CTNNA2: variants seen among roughly 807,000 people sequenced by gnomAD.
CTNNA2 encodes catenin alpha-2.
CTNNA2 carries 42 observed loss-of-function variants against 101.0 expected under a neutral mutation model. The observed-to-expected ratio is 0.42, with a 90% CI of 0.32 to 0.54. The LOEUF is 0.54. CTNNA2 is among the 20% of genes least tolerant of loss of function. The pLI, the probability that CTNNA2 is intolerant of heterozygous loss-of-function variation, is 0.14. For synonymous variants in CTNNA2, 450 were observed against 456.4 expected (o/e 0.99, Z 0.18); for missense variants, 871 against 1,223.1 (o/e 0.71, Z 4.29).
At chr2:80,219,029 T>C (rs2149050518) in intron 7 of CTNNA2, among the ~76,000 whole-genome samples, 1 of 152,306 alleles carries the variant, frequency 6.6e-6, no homozygotes, top group East Asian at 1.9e-4. Flanking sequence ...CTTAGGTTAC[T>C]TGGATATCGT....
intron 7 of CTNNA2, among the ~76,000 whole-genome samples, chr2:80,229,145 G>C (rs6706947): frequency 0.14 from 21,575 of 152,032 alleles, 3,753 homozygotes; most frequent in African/African-American, 0.42. Context: ...CTTTTTTCCT[G>C]TCTGTGAAAT....
In CTNNA2 at chr2:80,491,258, G is replaced by A. The variant is rs149970022; in HGVS notation, c.1291-53724G>A. Among the ~76,000 whole-genome samples, 876 of 152,282 alleles carry A rather than the reference G, an allele frequency of 5.8e-3. 7 individuals are homozygous for A. The highest frequency in any genetic ancestry group is 0.041 in the South Asian group (199 of 4,818). On this transcript the variant is annotated intron_variant, in intron 9 of 18. Transcript: ENST00000402739. ...TTAAATGGTAAAGGAGGAATTACAC[G>A]TGAGCATCCCAGTTGTCTTGTATAG...
intron 9 of CTNNA2, among the ~76,000 whole-genome samples, chr2:80,492,710 G>A (rs971761806): frequency 1.2e-4 from 19 of 152,088 alleles, no homozygotes; most frequent in South Asian, 6.2e-4. Flanking sequence ...TCCTTATGGC[G>A]CCATACTCTT....
At chr2:80,304,205 A>G (rs923831757) in intron 7 of CTNNA2, 50 of 170,134 alleles carry the variant, frequency 2.9e-4, no homozygotes, top group Admixed American at 2.5e-4. Flanking sequence ...TGTGCAGGCT[A>G]ATTATATGCA....
chr2:79,845,067 GTA>G (rs1044880055), intron 3 of CTNNA2, among the ~76,000 whole-genome samples: 9 of 142,580 alleles, frequency 6.3e-5, no homozygotes, highest in Non-Finnish European at 9.0e-5. Context: ...GTGTGTGTGT[GTA>G]TATATATATG....
chr2:80,071,035 T>C (rs1434705933), intron 7 of CTNNA2, among the ~76,000 whole-genome samples: 1 of 152,234 alleles, frequency 6.6e-6, no homozygotes, highest in African/African-American at 2.4e-5. Context: ...CTGCACAGAC[T>C]CTTTTTAAAA....
chr2:80,235,161 TTAA>T (rs1265547641), intron 7 of CTNNA2, among the ~76,000 whole-genome samples: 2 of 152,168 alleles, frequency 1.3e-5, no homozygotes, highest in Admixed American at 1.3e-4. Flanking sequence ...CATTGTTACT[TTAA>T]TAATATTTTA....
intron 7 of CTNNA2, among the ~76,000 whole-genome samples, chr2:80,332,466 A>G (rs751210759): frequency 4.6e-5 from 7 of 152,190 alleles, no homozygotes; most frequent in Non-Finnish European, 1.0e-4. Flanking sequence ...AGTGATAAAC[A>G]AAAACTGGAG....
intron 12 of CTNNA2, among the ~76,000 whole-genome samples, chr2:80,565,070 TAGAA>T (rs1357480568): frequency 1.3e-5 from 2 of 152,176 alleles, no homozygotes; most frequent in African/African-American, 2.4e-5. Flanking sequence ...AAATATGAGA[TAGAA>T]AGGAAATAGT....
Position 80,185,397 on chromosome 2 carries a change from T to G in CTNNA2, c.1057-207814T>G, listed in dbSNP as rs544517471. Among the ~76,000 whole-genome samples, 4 of 152,290 alleles carry G rather than the reference T, an allele frequency of 2.6e-5. No homozygotes were observed. In the South Asian group the frequency reaches 8.3e-4, roughly 32 times the overall value. ...AAGTGACACCCCATCACTTTTGCCA[T>G]TCTGTTGATTAGAAGCTAATTACTA... On this transcript the variant is annotated intron_variant, in intron 7 of 18. Transcript: ENST00000402739.
Position 79,214,566 on chromosome 2 carries a change from A to G in CTNNA2, c.-406+16490A>G, listed in dbSNP as rs191086808. 3.1e-4 allele frequency among the ~76,000 whole-genome samples: 47 copies of G among 152,240 alleles called. No homozygotes were observed. The East Asian group carries it at 6.6e-3, about 21-fold the overall frequency. Reference sequence around the variant, plus strand: ...GCGTGCTATGGGATGGGATATTGGCATTGAGCGGGGTAAGGGTGATTAGGT... The same window carrying G: ...GCGTGCTATGGGATGGGATATTGGCGTTGAGCGGGGTAAGGGTGATTAGGT... On this transcript the variant is annotated intron_variant, in intron 2 of 21. Transcript: ENST00000466387.
At chr2:79,806,850 TAGAG>T (rs1250957727) in intron 3 of CTNNA2, among the ~76,000 whole-genome samples, 2 of 152,188 alleles carry the variant, frequency 1.3e-5, no homozygotes, top group African/African-American at 4.8e-5. Context: ...CCTCATATAA[TAGAG>T]ACTCAGTAAA....
At chr2:80,261,544 G>T (rs1422588985) in intron 7 of CTNNA2, among the ~76,000 whole-genome samples, 2 of 151,994 alleles carry the variant, frequency 1.3e-5, no homozygotes, top group Non-Finnish European at 2.9e-5. Context: ...TGTTTAAATG[G>T]CCAAAATAAA....
intron 4 of CTNNA2, among the ~76,000 whole-genome samples, chr2:79,489,904 C>T (rs1671192745): frequency 6.6e-6 from 1 of 152,158 alleles, no homozygotes; most frequent in African/African-American, 2.4e-5. Flanking sequence ...GCTTCTAGGT[C>T]CTACTTCTCT....
At chr2:80,300,281 GGTGTGTGTGTGTGTGTGTGTGTGTGT>G (rs70940079) in intron 7 of CTNNA2, among the ~76,000 whole-genome samples, 4 of 93,108 alleles carry the variant, frequency 4.3e-5, no homozygotes, top group Non-Finnish European at 8.7e-5. Flanking sequence ...GGGGTGTTGG[GGTGTGTGTGTGTGTGTGTGTGTGTGT>G]GTGTGTGTGT....
chr2:80,190,821 A>C (rs138070684), intron 7 of CTNNA2, among the ~76,000 whole-genome samples: 13 of 152,200 alleles, frequency 8.5e-5, no homozygotes, highest in African/African-American at 3.1e-4. Flanking sequence ...TGGTTTCTTA[A>C]TTTCTAAATT....
At chr2:80,596,742 A>G (rs1697022131) in intron 15 of CTNNA2, among the ~76,000 whole-genome samples, 1 of 152,040 alleles carries the variant, frequency 6.6e-6, no homozygotes, top group African/African-American at 2.4e-5. Flanking sequence ...TTCCAATACT[A>G]TGTTGAATAG....
intron 7 of CTNNA2, among the ~76,000 whole-genome samples, chr2:80,113,044 CCA>C (rs1457820596): frequency 6.6e-6 from 1 of 152,084 alleles, no homozygotes; most frequent in Non-Finnish European, 1.5e-5. Context: ...CTGTCATGCC[CCA>C]GTGCTGAGGT....
chr2:79,938,560 C>CGAT (rs1196231753), intron 7 of CTNNA2, among the ~76,000 whole-genome samples: 1 of 152,118 alleles, frequency 6.6e-6, no homozygotes, highest in Non-Finnish European at 1.5e-5. Context: ...GAACAGCGAG[C>CGAT]GATCTGTTCG....
Sources: gnomAD v4.1 joint callset for allele counts (sites outside exome capture counted in the v4.1 genomes callset) on GRCh38, gnomAD v4.1.1 for gene constraint, MANE v1.5 for transcripts, NCBI Gene and HGNC (gene_info 2026-07-23, HGNC 2026-07-21) for gene names.